ALK: variants seen among roughly 807,000 people sequenced by gnomAD.
The protein encoded by ALK is ALK tyrosine kinase receptor.
In ALK, 74 loss-of-function variants were observed where a neutral mutation model predicts 163.1. The observed-to-expected ratio is 0.45, with a 90% CI of 0.38 to 0.55. The LOEUF is 0.55. Ranked by LOEUF, ALK falls within the 20% of genes least tolerant of loss-of-function variation. The pLI is 0.00. For synonymous variants in ALK, 960 were observed against 843.2 expected, an observed-to-expected ratio of 1.14 and a Z score of -2.40; for missense variants, 2,063 against 2,105.3, an observed-to-expected ratio of 0.98 and a Z score of 0.39.
intron 4 of ALK, among the ~76,000 whole-genome samples, chr2:29,522,552 C>T (rs1458053702): frequency 6.6e-6 from 1 of 151,966 alleles, no homozygotes; most frequent in Non-Finnish European, 1.5e-5. Flanking sequence ...ACCCTGGGTC[C>T]CTGTTGACTG....
chr2:29,582,175 AGAG>A (rs1263471351), intron 3 of ALK, among the ~76,000 whole-genome samples: 1 of 152,214 alleles, frequency 6.6e-6, no homozygotes, highest in Non-Finnish European at 1.5e-5. Flanking sequence ...GGAGGGAAGA[AGAG>A]GATGAGTGCC....
At position 29,223,351 on chromosome 2, in the gene ALK, GTGA is replaced by G; in HGVS notation, c.3347_3349del (p.Ile1116del). ...GCAGCAGGGCGCTCACCGAATGAGG[GTGA>G]TGTTTTTCCGCGGCACCTCCTTCAG... On this transcript the variant is annotated inframe_deletion, in exon 20 of 29. Coordinates refer to ENST00000389048, the MANE Select transcript of ALK (RefSeq NM_004304.5). 6.2e-7 allele frequency: 1 copy of G among 1,614,124 alleles called. No homozygotes were observed. The highest frequency in any genetic ancestry group is 8.5e-7 in the Non-Finnish European group (1 of 1,180,028).
chr2:29,814,784 C>T (rs1417584153), intron 1 of ALK, among the ~76,000 whole-genome samples: 1 of 151,930 alleles, frequency 6.6e-6, no homozygotes, highest in Non-Finnish European at 1.5e-5. Flanking sequence ...GCTTCAGTTT[C>T]CTCCTATGTG....
At position 29,217,318 on chromosome 2, in the gene ALK, T is replaced by C. The variant is rs1202870694; in HGVS notation, c.3646-3237A>G. 2.2e-5 allele frequency among the ~76,000 whole-genome samples: 3 copies of C among 139,134 alleles called. No individual in the cohort carries two copies. In the East Asian group the frequency reaches 6.9e-4, roughly 32 times the overall value. The allele number at this position is 139,134 out of a possible 152,430, so 91.3% of individuals were successfully genotyped here. A position where few individuals can be genotyped will look rare whatever the true frequency, so the allele number is the denominator to read the frequency against. Reference sequence around the variant, plus strand: ...TGTGTGATGTGTGTATATATGCATGTGGTGTGTGTTTTTTGTGTGTAGCAT... The same window carrying C: ...TGTGTGATGTGTGTATATATGCATGCGGTGTGTGTTTTTTGTGTGTAGCAT... On this transcript the variant is annotated intron_variant, in intron 23 of 28. Coordinates refer to ENST00000389048, the MANE Select transcript of ALK (RefSeq NM_004304.5).
rs563661463 is a variant in ALK, at chr2:29,420,847, C to T, written c.1155-36988G>A. 9.2e-5 allele frequency among the ~76,000 whole-genome samples: 14 copies of T among 151,616 alleles called. 1 individual carries two copies. The highest frequency in any genetic ancestry group is 3.4e-4 in the African/African-American group (14 of 40,914). ...CGGAGGAGAAATGCTAGCCCTGCAG[C>T]CTGTTATTTAAAAAGTCTGGAGAAA... On this transcript the variant is annotated intron_variant, in intron 4 of 28. Coordinates refer to ENST00000389048, the MANE Select transcript of ALK (RefSeq NM_004304.5).
intron 5 of ALK, among the ~76,000 whole-genome samples, chr2:29,349,119 T>C (rs1241722895): frequency 6.6e-6 from 1 of 152,186 alleles, no homozygotes; most frequent in African/African-American, 2.4e-5. Context: ...TTGGCTGCAT[T>C]ACTAGCTCAG....
chr2:29,596,551 G>T (rs1675220943), intron 3 of ALK, among the ~76,000 whole-genome samples: 1 of 152,218 alleles, frequency 6.6e-6, no homozygotes, highest in East Asian at 1.9e-4. Flanking sequence ...CAGAATGGCT[G>T]CAAGGGGCAG....
intron 9 of ALK, among the ~76,000 whole-genome samples, chr2:29,283,726 T>C (rs1665773611): frequency 6.6e-6 from 1 of 152,176 alleles, no homozygotes; most frequent in African/African-American, 2.4e-5. Context: ...ATGTAAGATG[T>C]GTTTTTTTCC....
Position 29,848,784 on chromosome 2 carries a change from C to T in ALK, c.667+71209G>A, listed in dbSNP as rs546945391. 2.0e-5 allele frequency among the ~76,000 whole-genome samples: 3 copies of T among 152,274 alleles called. No homozygotes were observed. In the South Asian group the frequency reaches 6.2e-4, roughly 32 times the overall value. Reference sequence around the variant, plus strand: ...ATATCCTGCGGGCTGTTGGCAGAAGCTGACTTAGGAGACCGGCTGGGGAGG... The same window carrying T: ...ATATCCTGCGGGCTGTTGGCAGAAGTTGACTTAGGAGACCGGCTGGGGAGG... On this transcript the variant is annotated intron_variant, in intron 1 of 28. Coordinates refer to ENST00000389048, the MANE Select transcript of ALK (RefSeq NM_004304.5).
rs550531307 is a variant in ALK, at chr2:29,494,843, C to T, written c.1154+37072G>A. On this transcript the variant is annotated intron_variant, in intron 4 of 28. Coordinates refer to ENST00000389048, the MANE Select transcript of ALK (RefSeq NM_004304.5). ...AGAAGCTCAAAGCTCTTTAGAGACT[C>T]GTGTGTGTGTGTGTGTGTGTGTGTG... is the stretch of plus-strand genomic sequence containing the variant. 1.5e-3 allele frequency among the ~76,000 whole-genome samples: 214 copies of T among 147,322 alleles called. 2 individuals are homozygous for T. Among genetic ancestry groups the T allele is most frequent in the African/African-American group, 5.3e-3 (210 of 39,782 alleles).
chr2:29,635,858 T>C (rs1261229257), intron 3 of ALK, among the ~76,000 whole-genome samples: 1 of 152,072 alleles, frequency 6.6e-6, no homozygotes, highest in Non-Finnish European at 1.5e-5. Flanking sequence ...CACGAACTCC[T>C]GACCTCAAGT....
rs1418689497 is a variant in ALK at position 29,501,916 on chromosome 2, G to GAGTGGAATTGTATAGTATTTGTCTTT, written c.1154+29973_1154+29998dup. ...TTTCTGTCCATATGGTGCCTCACATGAGTGGAATTGTATAGTATTTGTCTT... is the reference window on the plus strand; with the variant it reads ...TTTCTGTCCATATGGTGCCTCACATGAGTGGAATTGTATAGTATTTGTCTTTAGTGGAATTGTATAGTATTTGTCTT... On this transcript the variant is annotated intron_variant, in intron 4 of 28. Transcript: ENST00000389048. Among the ~76,000 whole-genome samples the GAGTGGAATTGTATAGTATTTGTCTTT allele has an allele frequency of 2.8e-4, 42 of 152,314 alleles. No homozygotes were observed. In the Middle Eastern group the frequency reaches 0.014, roughly 49 times the overall value.
chr2:29,708,099 G>A (rs111695969), intron 2 of ALK, among the ~76,000 whole-genome samples: 14,988 of 152,118 alleles, frequency 0.099, 1,556 homozygotes, highest in African/African-American at 0.27. Flanking sequence ...ATAGAGTTTC[G>A]CTCTGTCACC....
chr2:29,624,013 A>C (rs1354857256), intron 3 of ALK, among the ~76,000 whole-genome samples: 5 of 152,210 alleles, frequency 3.3e-5, no homozygotes, highest in African/African-American at 1.2e-4. Context: ...ATTTCTGCTC[A>C]TGTATTTATT....
intron 11 of ALK, among the ~76,000 whole-genome samples, chr2:29,270,066 A>G (rs1324804879): frequency 6.6e-6 from 1 of 152,034 alleles, no homozygotes; most frequent in African/African-American, 2.4e-5. Context: ...CTATTCAGTA[A>G]TGAAAGAGAG....
At chr2:29,784,617 C>T (rs1400606726) in intron 1 of ALK, among the ~76,000 whole-genome samples, 1 of 152,020 alleles carries the variant, frequency 6.6e-6, no homozygotes, top group Non-Finnish European at 1.5e-5. Flanking sequence ...ATCGCTTGAA[C>T]CCAGGAGGCA....
chr2:29,654,472 G>C (rs1389027178), intron 3 of ALK, among the ~76,000 whole-genome samples: 1 of 152,122 alleles, frequency 6.6e-6, no homozygotes, highest in Non-Finnish European at 1.5e-5. Flanking sequence ...GAGAAACAAT[G>C]ATGGAAAGAA....
At chr2:29,828,477 A>G (rs1328282518) in intron 1 of ALK, among the ~76,000 whole-genome samples, 6 of 151,096 alleles carry the variant, frequency 4.0e-5, no homozygotes, top group Admixed American at 6.6e-5. Context: ...CAAGAAAAAA[A>G]CAACCCCATC....
chr2:29,753,997 C>A (rs1383294011), intron 1 of ALK, among the ~76,000 whole-genome samples: 1 of 152,140 alleles, frequency 6.6e-6, no homozygotes, highest in East Asian at 1.9e-4. Context: ...GCTCCCTCTC[C>A]CACCGACCGC....
Sources: gnomAD v4.1 joint callset for allele counts (sites outside exome capture counted in the v4.1 genomes callset) on GRCh38, gnomAD v4.1.1 for gene constraint, MANE v1.5 for transcripts, NCBI Gene and HGNC (gene_info 2026-07-23, HGNC 2026-07-21) for gene names.